HINFP: variants seen among roughly 807,000 people sequenced by gnomAD.
HINFP encodes the protein MBD2 (methyl-CpG-binding protein)-interacting zinc finger protein.
A neutral mutation model predicts 50.1 loss-of-function variants in HINFP; 20 were observed. That is an observed-to-expected ratio of 0.40 (90% confidence interval 0.28 to 0.58). HINFP has a LOEUF of 0.58. HINFP is among the 20% of genes least tolerant of loss of function. The probability of loss-of-function intolerance (pLI) is 0.45; values close to 1 mark genes in which losing one functional copy is unlikely to be tolerated. For missense variants in HINFP, 505 were observed against 664.1 expected (o/e 0.76, Z 2.63); for synonymous variants, 247 against 243.7 (o/e 1.01, Z -0.13).
At chr11:119,132,340 C>T in intron 5 of HINFP, 156 bp from the exon 6 acceptor site, 3 of 688,408 alleles carry the variant, frequency 4.4e-6, no homozygotes, top group Non-Finnish European at 7.3e-6. Flanking sequence ...TCTCTAAGTC[C>T]CATGCTCTTT....
At position 119,127,052 on chromosome 11, in the gene HINFP, C is replaced by A. The variant is rs1947445611; in HGVS notation, c.108C>A (p.Val36=). 6.2e-7 allele frequency: 1 copy of A among 1,614,002 alleles called. No homozygotes were observed. The highest frequency in any genetic ancestry group is 1.1e-5 in the South Asian group (1 of 91,074). The stretch of plus-strand genomic sequence containing the variant: ...CCATGGAAAAGTTCTTTGAGCATGT[C>A]ACTCAGCACCTGCAGCAGCACCTGC... ...CSTMEKFFEH[V]TQHLQQHLHG... Residue 36 remains valine (V), a synonymous_variant, in exon 2 of 10, where the codon GTC becomes GTA. Transcript: ENST00000350777.
At chr11:119,129,082 T>C (rs1427098754) in intron 2 of HINFP, among the ~76,000 whole-genome samples, 2 of 151,972 alleles carry the variant, frequency 1.3e-5, no homozygotes, top group Admixed American at 1.3e-4. Context: ...ACTCTGTTGC[T>C]CAGGCTAGAG....
At chr11:119,133,293 A>C in intron 9 of HINFP, 74 bp downstream of exon 9, 1 of 1,581,326 alleles carries the variant, frequency 6.3e-7, no homozygotes, top group Admixed American at 1.7e-5. Flanking sequence ...TAAAAACCTT[A>C]ATTTGGGTCG....
At chr11:119,127,161 AG>A in intron 2 of HINFP, 36 bp downstream of exon 2, 1 of 1,509,368 alleles carries the variant, frequency 6.6e-7, no homozygotes, top group Non-Finnish European at 8.9e-7. Flanking sequence ...GAGGAGCTCA[AG>A]GAAAGGTGGA....
In HINFP at chr11:119,131,658, T is replaced by G. The variant is rs1565798338; in HGVS notation, c.523+12T>G. The G allele has an allele frequency of 1.9e-6, 3 of 1,609,952 alleles. No homozygotes were observed. Among genetic ancestry groups the G allele is most frequent in the Admixed American group, 1.7e-5 (1 of 60,014 alleles). ...GTGTGGCTGGAAAGGTAGGGCTGCT[T>G]CTTAACTTGTGGCTTCTGGAGGAAA... On this transcript the variant is annotated intron_variant, in intron 4 of 9. Coordinates refer to ENST00000350777, the MANE Select transcript of HINFP (RefSeq NM_198971.3). This position sits in a 1 kb window ranked among gnomAD's most constrained non-coding sequence, Gnocchi z 4.2.
intron 1 of HINFP, among the ~76,000 whole-genome samples, chr11:119,123,152 G>C (rs377502348): frequency 2.6e-5 from 1 of 38,402 alleles, no homozygotes; most frequent in African/African-American, 8.5e-5. Flanking sequence ...AAAAAAAAAA[G>C]AACTTGCGTA....
chr11:119,127,411 A>G (rs1332216440), intron 2 of HINFP: 2 of 161,060 alleles, frequency 1.2e-5, no homozygotes, highest in South Asian at 2.3e-4. Context: ...TTAAATACAG[A>G]TGAATGTGCT....
chr11:119,126,969 C>T lies in HINFP; in HGVS notation c.25C>T (p.Arg9Ter), dbSNP rs946555085. 1.4e-5 allele frequency: 22 copies of T among 1,613,198 alleles called. No homozygotes were observed. Among genetic ancestry groups the T allele is most frequent in the Non-Finnish European group, 1.8e-5 (21 of 1,179,682 alleles). ...CATGCCGCCTCCTGGGAAAGTTCCCCGAAAGGAGAATCTGTGGCTACAGTG... is the reference window on the plus strand; with the variant it reads ...CATGCCGCCTCCTGGGAAAGTTCCCTGAAAGGAGAATCTGTGGCTACAGTG... MPPPGKVPRKENLWLQCEW... is the reference protein window; with the variant it reads MPPPGKVP The change falls in exon 2 of 10, where the codon CGA (arginine) becomes TGA (stop). Residue 9 changes from arginine to a stop codon, truncating the protein, a stop_gained. Transcript: ENST00000350777. LOFTEE classifies it high-confidence loss of function.
At chr11:119,128,233 A>T (rs1343152884) in intron 2 of HINFP, among the ~76,000 whole-genome samples, 1 of 152,150 alleles carries the variant, frequency 6.6e-6, no homozygotes, top group Non-Finnish European at 1.5e-5. Context: ...GATTTTAATA[A>T]AATCCAATCT....
At chr11:119,130,102 A>G (rs1947669379) in intron 2 of HINFP, 1 of 152,526 alleles carries the variant, frequency 6.6e-6, no homozygotes, top group South Asian at 2.1e-4. Flanking sequence ...GAGAAGGCAG[A>G]TCTTGAGCAA....
intron 1 of HINFP, 81 bp from the exon 2 acceptor site, chr11:119,126,854 C>A: frequency 1.6e-6 from 2 of 1,286,408 alleles, no homozygotes; most frequent in Non-Finnish European, 2.2e-6. Context: ...TGATTCTAGG[C>A]AGGCTGCCTG....
chr11:119,126,673 T>C (rs1012433747), intron 1 of HINFP: 4 of 301,194 alleles, frequency 1.3e-5, no homozygotes, highest in Non-Finnish European at 2.5e-5. Context: ...TGAAGCTTCA[T>C]GAGAAAATGT....
intron 6 of HINFP, 41 bp downstream of exon 6, chr11:119,132,614 A>G (rs201442297): frequency 2.5e-6 from 4 of 1,614,048 alleles, no homozygotes; most frequent in East Asian, 2.2e-5. Context: ...CTGCCCTCCA[A>G]GGTTCCACAA....
intron 2 of HINFP, chr11:119,130,253 A>G (rs1477927379): frequency 1.9e-5 from 3 of 154,690 alleles, no homozygotes; most frequent in Non-Finnish European, 4.3e-5. Flanking sequence ...TGTTTCTGGC[A>G]TAGGCCTTGC....
chr11:119,123,162 A>G (rs1330571285), intron 1 of HINFP, among the ~76,000 whole-genome samples: 2 of 135,966 alleles, frequency 1.5e-5, no homozygotes, highest in Non-Finnish European at 3.1e-5. Context: ...GAACTTGCGT[A>G]GGCAGAGAGT....
In HINFP at chr11:119,131,647, G is replaced by C; in HGVS notation, c.523+1G>C. 1 of 1,612,708 alleles carries C rather than the reference G, an allele frequency of 6.2e-7. No homozygotes were observed. Among genetic ancestry groups the C allele is most frequent in the Non-Finnish European group, 8.5e-7 (1 of 1,178,732 alleles). On this transcript the variant is annotated splice_donor_variant, in intron 4 of 9. Transcript: ENST00000350777. LOFTEE classifies it high-confidence loss of function. The surrounding 1 kb of genome is among the most constrained non-coding windows in gnomAD (Gnocchi z 4.2). ...CCGGTGGTGCTGTGTGGCTGGAAAG[G>C]TAGGGCTGCTTCTTAACTTGTGGCT...
Position 119,130,904 on chromosome 11 carries a change from G to T in HINFP, c.361G>T (p.Val121Phe), listed in dbSNP as rs763207518. ...CATCCTGGACTTCCAGAGCCGGAAC[G>T]TCATCCCTGATATCCCTGACCACTT... ...PCILDFQSRN[V>F]IPDIPDHFLC... is the part of the protein sequence containing the mutation. The change falls in exon 3 of 10, where the codon GTC (valine) becomes TTC (phenylalanine). Residue 121 changes from valine (V) to phenylalanine (F), a missense_variant. Coordinates refer to ENST00000350777, the MANE Select transcript of HINFP (RefSeq NM_198971.3). The T allele has an allele frequency of 6.2e-7, 1 of 1,614,222 alleles. No homozygotes were observed. The highest frequency in any genetic ancestry group is 1.3e-5 in the African/African-American group (1 of 75,042).
In HINFP at chr11:119,134,837, C is replaced by T. The variant is rs925376655; in HGVS notation, c.*339C>T. ...TTAGCTCACATCCATTCCCATCTTT[C>T]GGGCTCCTTAGGCCCAAGGATGGCA... On this transcript the variant is annotated 3_prime_UTR_variant, in exon 10 of 10. Transcript: ENST00000350777. This position sits in a 1 kb window ranked among gnomAD's most constrained non-coding sequence, Gnocchi z 4.3. The T allele has an allele frequency of 5.5e-5, 11 of 198,386 alleles. No homozygotes were observed. Among genetic ancestry groups the T allele is most frequent in the African/African-American group, 1.8e-4 (8 of 43,418 alleles). The allele number at this position is 198,386 out of a possible 1,614,324, so 12.3% of individuals were successfully genotyped here.
chr11:119,126,128 G>A (rs1032447997), intron 1 of HINFP: 1 of 152,198 alleles, frequency 6.6e-6, no homozygotes, highest in Non-Finnish European at 1.5e-5. Flanking sequence ...CAAGGTGGGT[G>A]GATCACCTGA....
Sources: allele counts gnomAD v4.1 joint callset (sites outside exome capture counted in the v4.1 genomes callset), GRCh38; gene constraint gnomAD v4.1.1; non-coding constraint Gnocchi (gnomAD v3.1); transcripts MANE v1.5; gene names NCBI Gene and HGNC (gene_info 2026-07-23, HGNC 2026-07-21).